Variants in PTPN4 observed in about 807,000 individuals in gnomAD.
PTPN4 encodes the protein protein tyrosine phosphatase non-receptor type 4, also known as tyrosine-protein phosphatase non-receptor type 4.
Under a neutral mutation model 135.5 loss-of-function variants are expected in PTPN4, and 49 were observed. That is an observed-to-expected ratio of 0.36 (90% CI 0.29 to 0.46). The LOEUF is 0.46. PTPN4 is among the 20% of genes least tolerant of loss of function. The pLI, the probability that PTPN4 is intolerant of heterozygous loss-of-function variation, is 1.00. For synonymous variants in PTPN4, 333 were observed against 369.9 expected (o/e 0.90, Z 1.14); for missense variants, 860 against 1,101.0 (o/e 0.78, Z 3.10).
At chr2:119,871,948 A>G (rs1247802257) in intron 3 of PTPN4, among the ~76,000 whole-genome samples, 1 of 152,164 alleles carries the variant, frequency 6.6e-6, no homozygotes, top group Non-Finnish European at 1.5e-5. Context: ...TGACTCATTC[A>G]TAGTCACCCA....
intron 5 of PTPN4, chr2:119,880,005 CTTTAA>C (rs1398748904): frequency 1.2e-4 from 15 of 123,748 alleles, no homozygotes. Context: ...AAAAATATTC[CTTTAA>C]TTTTGAAATT....
chr2:119,886,607 A>T (rs530300697), intron 9 of PTPN4, among the ~76,000 whole-genome samples: 8 of 152,332 alleles, frequency 5.3e-5, no homozygotes, highest in African/African-American at 1.9e-4. Flanking sequence ...GATAGCGTTT[A>T]TCTTCTCTTG....
intron 1 of PTPN4, among the ~76,000 whole-genome samples, chr2:119,792,741 T>C (rs1490065985): frequency 2.0e-5 from 3 of 152,124 alleles, no homozygotes; most frequent in African/African-American, 7.2e-5. Flanking sequence ...TGTCAGCCGG[T>C]CTGAGAAATA....
intron 26 of PTPN4, 56 bp downstream of exon 26, chr2:119,968,028 C>A: frequency 1.6e-6 from 2 of 1,245,108 alleles, no homozygotes; most frequent in Non-Finnish European, 2.2e-6. Context: ...ATTTTTGTTG[C>A]CAATGCATAT....
At chr2:119,837,085 G>A (rs556404066) in intron 2 of PTPN4, among the ~76,000 whole-genome samples, 25 of 152,356 alleles carry the variant, frequency 1.6e-4, no homozygotes, top group Admixed American at 1.5e-3. Context: ...TGGGCTGTCA[G>A]TTCCAAGTTG....
chr2:119,963,261 A>G (rs1439214876), intron 24 of PTPN4, among the ~76,000 whole-genome samples: 2 of 149,484 alleles, frequency 1.3e-5, no homozygotes, highest in Non-Finnish European at 3.0e-5. Context: ...CCAGCTCTTA[A>G]TTTTGCCTGA....
chr2:119,960,718 A>G, intron 22 of PTPN4, 89 bp from the exon 23 acceptor site: 3 of 1,303,322 alleles, frequency 2.3e-6, no homozygotes, highest in Non-Finnish European at 2.1e-6. Context: ...AGTTGTATTC[A>G]CTATAACAGT....
At chr2:119,829,224 TTTAA>T (rs1311014268) in intron 2 of PTPN4, among the ~76,000 whole-genome samples, 4 of 152,234 alleles carry the variant, frequency 2.6e-5, no homozygotes, top group African/African-American at 4.8e-5. Context: ...TTTTGAACGG[TTTAA>T]TTGAGATGTG....
intron 2 of PTPN4, among the ~76,000 whole-genome samples, chr2:119,812,170 A>C (rs1371684196): frequency 6.6e-6 from 1 of 152,176 alleles, no homozygotes; most frequent in Non-Finnish European, 1.5e-5. Context: ...ATCCATGTGA[A>C]TAGATCTCCA....
chr2:119,881,049 T>C (rs1021726087), intron 5 of PTPN4, among the ~76,000 whole-genome samples: 3 of 152,174 alleles, frequency 2.0e-5, no homozygotes, highest in Non-Finnish European at 4.4e-5. Flanking sequence ...CTGCCACCCC[T>C]ATACAACACA....
rs1553458127 is a variant in PTPN4 at position 119,876,938 on chromosome 2, T to TGTGTGC, written c.247-382_247-381insTGCGTG. On this transcript the variant is annotated intron_variant, in intron 3 of 26. Transcript: ENST00000263708. ...GTGTGTGTGTGTGTGTGTGTGTGTG[T>TGTGTGC]GTGCGTGAAGGGTGAAGAGAATTTT... Among the ~76,000 whole-genome samples the TGTGTGC allele has an allele frequency of 5.9e-5, 8 of 136,300 alleles. No homozygotes were observed. In the East Asian group the frequency reaches 8.2e-4, roughly 14 times the overall value. The allele number at this position is 136,300 out of a possible 152,430, so 89.4% of individuals were successfully genotyped here.
chr2:119,878,464 C>T (rs1678017822), intron 5 of PTPN4, among the ~76,000 whole-genome samples: 1 of 152,084 alleles, frequency 6.6e-6, no homozygotes, highest in African/African-American at 2.4e-5. Context: ...AAATCCATAC[C>T]TAAAATTACC....
intron 9 of PTPN4, among the ~76,000 whole-genome samples, chr2:119,889,279 T>G (rs3106245): frequency 0.43 from 65,704 of 151,868 alleles, 16,070 homozygotes; most frequent in African/African-American, 0.67. Context: ...AATTAGCCGG[T>G]CGTGGTGGTG....
At chr2:119,838,923 A>G (rs992334253) in intron 2 of PTPN4, among the ~76,000 whole-genome samples, 6 of 152,162 alleles carry the variant, frequency 3.9e-5, no homozygotes, top group Non-Finnish European at 8.8e-5. Flanking sequence ...TTCTGGCCAC[A>G]GTTTACCAAT....
In PTPN4 at chr2:119,979,317, C is replaced by G. The variant is rs1329221290; in HGVS notation, c.*2247C>G. ...GGTTGGCATGTTCTTTAATTTAGGG[C>G]CTTGTTTATACTTGTGAGTTTAATA... On this transcript the variant is annotated 3_prime_UTR_variant, in exon 27 of 27. Coordinates refer to ENST00000263708, the MANE Select transcript of PTPN4 (RefSeq NM_002830.4). 1 of 152,010 alleles carries G rather than the reference C, an allele frequency of 6.6e-6. No homozygotes were observed. The highest frequency in any genetic ancestry group is 2.4e-5 in the African/African-American group (1 of 41,394). 9.4% of individuals were successfully genotyped at this position (152,010 alleles called of 1,614,324 possible). A position where few individuals can be genotyped will look rare whatever the true frequency, so the allele number is the denominator to read the frequency against.
intron 25 of PTPN4, 26 bp downstream of exon 25, chr2:119,965,671 G>A (rs754011492): frequency 1.9e-6 from 3 of 1,598,918 alleles, no homozygotes; most frequent in Admixed American, 1.8e-5. Flanking sequence ...TCTTTTATGA[G>A]TGTATAGCTG....
At chr2:119,959,557 A>T (rs747761150) in intron 22 of PTPN4, among the ~76,000 whole-genome samples, 3 of 152,254 alleles carry the variant, frequency 2.0e-5, no homozygotes, top group Non-Finnish European at 4.4e-5. Flanking sequence ...CCTAGGCAAC[A>T]TTAGGAAGAC....
intron 15 of PTPN4, among the ~76,000 whole-genome samples, chr2:119,941,143 T>C (rs969500158): frequency 1.3e-5 from 2 of 152,230 alleles, no homozygotes; most frequent in African/African-American, 4.8e-5. Context: ...TTTTAAGAAT[T>C]GGACTGTTTC....
rs182751478 is a variant in PTPN4, at chr2:119,790,867, C to T, written c.-17-18970C>T. ...CAAGAAAATTTTTTCTTTGTGATTG[C>T]CCAGGGTATTTACTTATAACTATCT... On this transcript the variant is annotated intron_variant, in intron 1 of 26. Transcript: ENST00000263708. Among the ~76,000 whole-genome samples, 100 of 151,974 alleles carry T rather than the reference C, an allele frequency of 6.6e-4. 1 individual carries two copies. Among genetic ancestry groups the T allele is most frequent in the Admixed American group, 6.5e-3 (100 of 15,274 alleles).
Sources: allele counts gnomAD v4.1 joint callset (sites outside exome capture counted in the v4.1 genomes callset), GRCh38; gene constraint gnomAD v4.1.1; transcripts MANE v1.5; gene names NCBI Gene and HGNC (gene_info 2026-07-23, HGNC 2026-07-21).